Variants in PRRC2A observed in about 807,000 individuals in gnomAD.
PRRC2A encodes proline rich coiled-coil 2A, also known as protein PRRC2A.
PRRC2A carries 59 observed loss-of-function variants against 224.6 expected under a neutral mutation model. That is an observed-to-expected ratio of 0.26 (90% confidence interval 0.21 to 0.33). The LOEUF is 0.33. PRRC2A is among the 10% of genes least tolerant of loss of function. PRRC2A has a pLI of 1.00. For missense variants in PRRC2A, 3,095 were observed against 2,880.7 expected, an observed-to-expected ratio of 1.07 and a Z score of -1.70; for synonymous variants, 1,194 against 1,109.5, an observed-to-expected ratio of 1.08 and a Z score of -1.51.
rs1348146440 is a variant in PRRC2A at position 31,626,800 on chromosome 6, A to G, written c.1011A>G (p.Glu337=). 1 of 1,591,304 alleles carries G rather than the reference A, an allele frequency of 6.3e-7. No homozygotes were observed. Among genetic ancestry groups the G allele is most frequent in the Admixed American group, 1.8e-5 (1 of 55,358 alleles). ...AGAHEEVDYT[E]KLKFSDEEDG... ...CCCATGAAGAGGTTGACTACACTGA[A>G]AAGCTCAAGTTCAGCGATGAGGAAG... The change falls in exon 10 of 31, where the codon GAA becomes GAG. Residue 337 remains glutamate, a synonymous_variant. Coordinates refer to ENST00000376033, the MANE Select transcript of PRRC2A (RefSeq NM_004638.4).
chr6:31,631,447 G>A lies in PRRC2A; in HGVS notation c.2774G>A (p.Arg925His), dbSNP rs759748399. 1.4e-5 allele frequency: 23 copies of A among 1,609,528 alleles called. No individual in the cohort carries two copies. Among genetic ancestry groups the A allele is most frequent in the African/African-American group, 8.0e-5 (6 of 74,762 alleles). Residue 925 changes from arginine (R) to histidine (H), a missense_variant, in exon 16 of 31, where the codon CGC becomes CAC. Arg to His is a conservative substitution (Grantham distance 29, BLOSUM62 0). Coordinates refer to ENST00000376033, the MANE Select transcript of PRRC2A (RefSeq NM_004638.4). The surrounding 1 kb of genome is among the most constrained non-coding windows in gnomAD (Gnocchi z 4.5). ...CGCAGAGAGAGTCGCACAGAGACCC[G>A]CTGGGGCCCTCGTCCAGGGAGCAGT... ...PPRRESRTET[R>H]WGPRPGSSRR...
chr6:31,637,477 C>G lies in PRRC2A; in HGVS notation c.6365C>G (p.Pro2122Arg). ...ASPPDALRWI[P>R]KPWERTGPPP... ...CCACCAGATGCCCTGCGCTGGATAC[C>G]TAAGCCTTGGGAGCGGACAGGGCCG... Residue 2122 changes from proline to arginine, a missense_variant, in exon 31 of 31, where the codon CCT becomes CGT. Transcript: ENST00000376033. The G allele has an allele frequency of 1.3e-6, 2 of 1,574,982 alleles. No individual in the cohort carries two copies. Among genetic ancestry groups the G allele is most frequent in the Non-Finnish European group, 1.7e-6 (2 of 1,159,748 alleles).
chr6:31,631,416 C>T lies in PRRC2A; in HGVS notation c.2743C>T (p.Pro915Ser), dbSNP rs964636009. Reference sequence around the variant, plus strand: ...CGGGAGTGGAGGCCAGGGCCCCCCACCACCACGCAGAGAGAGTCGCACAGA... The same window carrying T: ...CGGGAGTGGAGGCCAGGGCCCCCCATCACCACGCAGAGAGAGTCGCACAGA... ...GVGSGGQGPP[P>S]PRRESRTETR... is the part of the protein sequence containing the mutation. The change falls in exon 16 of 31, where the codon CCA (proline) becomes TCA (serine). Residue 915 changes from proline to serine, a missense_variant. Pro to Ser is a moderately conservative substitution (Grantham distance 74). Coordinates refer to ENST00000376033, the MANE Select transcript of PRRC2A (RefSeq NM_004638.4). The surrounding 1 kb of genome is among the most constrained non-coding windows in gnomAD (Gnocchi z 4.5). The T allele has an allele frequency of 1.2e-6, 2 of 1,609,892 alleles. No individual in the cohort carries two copies. The highest frequency in any genetic ancestry group is 1.7e-6 in the Non-Finnish European group (2 of 1,178,840).
At chr6:31,629,964 G>C in intron 14 of PRRC2A, 119 bp downstream of exon 14, 1 of 1,481,566 alleles carries the variant, frequency 6.7e-7, no homozygotes, top group Non-Finnish European at 9.1e-7. Context: ...GATGAGGGAA[G>C]GGCATATGCT....
Position 31,629,559 on chromosome 6 carries a change from G to C in PRRC2A, c.1968G>C (p.Leu656=), listed in dbSNP as rs761116549. The change falls in exon 14 of 31, where the codon CTG becomes CTC. Residue 656 remains leucine, a synonymous_variant. Coordinates refer to ENST00000376033, the MANE Select transcript of PRRC2A (RefSeq NM_004638.4). ...TCCTCCTTTCCTAGGAGCAGCTCCT[G>C]AAGCAGCAGCAGCAGCACCAGTGGC... ...RFQRQQQEQL[L]KQQQQHQWQQ... 2 of 1,569,798 alleles carry C rather than the reference G, an allele frequency of 1.3e-6. No individual in the cohort carries two copies. Among genetic ancestry groups the C allele is most frequent in the South Asian group, 2.2e-5 (2 of 90,302 alleles).
chr6:31,634,956 C>T lies in PRRC2A; in HGVS notation c.5139C>T (p.Ala1713=), dbSNP rs1017988169. The T allele has an allele frequency of 2.5e-6, 4 of 1,612,720 alleles. No individual in the cohort carries two copies. The highest frequency in any genetic ancestry group is 2.5e-6 in the Non-Finnish European group (3 of 1,179,866). ...GSEPPRRPPP[A]PHDGDRKELP... Reference sequence around the variant, plus strand: ...AACCTCCTAGGAGACCACCACCTGCCCCCCACGATGGGGACAGAAAGGTAA... The same window carrying T: ...AACCTCCTAGGAGACCACCACCTGCTCCCCACGATGGGGACAGAAAGGTAA... Residue 1713 remains alanine, a synonymous_variant, in exon 21 of 31, where the codon GCC becomes GCT. Transcript: ENST00000376033.
chr6:31,626,569 AAGAGT>A (rs773793642), intron 9 of PRRC2A, among the ~76,000 whole-genome samples, 198 bp from the exon 10 acceptor site: 61 of 152,034 alleles, frequency 4.0e-4, no homozygotes, highest in Middle Eastern at 3.4e-3. Flanking sequence ...AAAAAAAAAA[AAGAGT>A]AGGGGAGGAT....
At position 31,636,769 on chromosome 6, in the gene PRRC2A, G is replaced by A; in HGVS notation, c.5971G>A (p.Val1991Met). The change falls in exon 28 of 31, where the codon GTG (valine) becomes ATG (methionine). Residue 1991 changes from valine to methionine, a missense_variant. Physicochemically the swap from Val to Met is conservative, Grantham distance 21. Coordinates refer to ENST00000376033, the MANE Select transcript of PRRC2A (RefSeq NM_004638.4). The surrounding 1 kb of genome is among the most constrained non-coding windows in gnomAD (Gnocchi z 4.3). ...LPMVDSQLPV[V>M]NFGSLPPAPP... ...CATGGTAGACTCACAGCTGCCTGTGGTGAACTTTGGCTCCCTGCCGCCAGC... is the reference window on the plus strand; with the variant it reads ...CATGGTAGACTCACAGCTGCCTGTGATGAACTTTGGCTCCCTGCCGCCAGC... 1 of 1,607,058 alleles carries A rather than the reference G, an allele frequency of 6.2e-7. No individual in the cohort carries two copies. Among genetic ancestry groups the A allele is most frequent in the Non-Finnish European group, 8.5e-7 (1 of 1,180,000 alleles).
In PRRC2A at chr6:31,636,110, G is replaced by A; in HGVS notation, c.5624+61G>A. On this transcript the variant is annotated intron_variant, in intron 25 of 30. Coordinates refer to ENST00000376033, the MANE Select transcript of PRRC2A (RefSeq NM_004638.4). This position sits in a 1 kb window ranked among gnomAD's most constrained non-coding sequence, Gnocchi z 4.3. ...GGAGATGTGTTTCGGGGAGAGGGAAGGGGAAGACACAGTTCTAGGGTACTA... is the reference window on the plus strand; with the variant it reads ...GGAGATGTGTTTCGGGGAGAGGGAAAGGGAAGACACAGTTCTAGGGTACTA... 6.4e-7 allele frequency: 1 copy of A among 1,569,282 alleles called. No homozygotes were observed. The highest frequency in any genetic ancestry group is 1.1e-5 in the South Asian group (1 of 90,010).
At position 31,626,088 on chromosome 6, in the gene PRRC2A, G is replaced by A; in HGVS notation, c.908G>A (p.Arg303His). Reference protein sequence around the residue: ...PPMRLVEPVGRPSILKEDNLK... With the variant: ...PPMRLVEPVGHPSILKEDNLK... Reference sequence around the variant, plus strand: ...ATGCGCTTAGTAGAGCCTGTGGGTCGTCCCTCTATTCTCAAAGAGGATAAT... The same window carrying A: ...ATGCGCTTAGTAGAGCCTGTGGGTCATCCCTCTATTCTCAAAGAGGATAAT... The change falls in exon 9 of 31, where the codon CGT becomes CAT. Residue 303 changes from arginine (R) to histidine (H), a missense_variant. This residue lies in a region of PRRC2A where 287 missense variants were observed against 275.3 expected (regional missense o/e 1.04). Coordinates refer to ENST00000376033, the MANE Select transcript of PRRC2A (RefSeq NM_004638.4). The A allele has an allele frequency of 1.2e-6, 2 of 1,612,932 alleles. No individual in the cohort carries two copies. The highest frequency in any genetic ancestry group is 2.2e-5 in the East Asian group (1 of 44,890).
chr6:31,636,547 C>G lies in PRRC2A; in HGVS notation c.5873C>G (p.Ser1958Cys). 1 of 1,609,496 alleles carries G rather than the reference C, an allele frequency of 6.2e-7. No individual in the cohort carries two copies. Among genetic ancestry groups the G allele is most frequent in the Non-Finnish European group, 8.5e-7 (1 of 1,178,342 alleles). ...CTGCCATCCCCTTCGGATTTTTATT[C>G]TACTCCTCTGCAGCCTGGTGGCCAA... is the stretch of plus-strand genomic sequence containing the variant. ...QDLPSPSDFYSTPLQPGGQSG... is the reference protein window; with the variant it reads ...QDLPSPSDFYCTPLQPGGQSG... The change falls in exon 27 of 31, where the codon TCT (serine) becomes TGT (cysteine). Residue 1958 changes from serine (S) to cysteine (C), a missense_variant. Physicochemically the swap from Ser to Cys is moderately radical, Grantham distance 112. This residue lies in a region of PRRC2A where 662 missense variants were observed against 609.5 expected (regional missense o/e 1.09). Coordinates refer to ENST00000376033, the MANE Select transcript of PRRC2A (RefSeq NM_004638.4). The surrounding 1 kb of genome is among the most constrained non-coding windows in gnomAD (Gnocchi z 4.3).
chr6:31,632,893 G>A lies in PRRC2A; in HGVS notation c.4220G>A (p.Ser1407Asn), dbSNP rs35464047. ...RRPGPGGKAGSSGSSSGGGGG... is the reference protein window; with the variant it reads ...RRPGPGGKAGNSGSSSGGGGG... Reference sequence around the variant, plus strand: ...CCTGGCCCAGGGGGCAAGGCTGGCAGCAGTGGCAGCAGCAGTGGAGGAGGC... The same window carrying A: ...CCTGGCCCAGGGGGCAAGGCTGGCAACAGTGGCAGCAGCAGTGGAGGAGGC... Residue 1407 changes from serine to asparagine, a missense_variant, in exon 16 of 31, where the codon AGC becomes AAC. Around this residue, in one of 8 missense-constraint regions of PRRC2A, gnomAD observed 2,001 missense variants for 1,764.9 expected, o/e 1.13. Transcript: ENST00000376033. The A allele has an allele frequency of 3.6e-3, 5,759 of 1,612,830 alleles. 45 individuals are homozygous for A. Among genetic ancestry groups the A allele is most frequent in the African/African-American group, 0.035 (2,596 of 75,048 alleles).
chr6:31,626,776 C>T lies in PRRC2A; in HGVS notation c.987C>T (p.Ala329=). The T allele has an allele frequency of 1.3e-6, 2 of 1,577,094 alleles. No individual in the cohort carries two copies. Among genetic ancestry groups the T allele is most frequent in the South Asian group, 1.2e-5 (1 of 86,550 alleles). ...DQENDDGWAG[A]HEEVDYTEKL... ...AATACTCATATTTCCCCTCAGGGGC[C>T]CATGAAGAGGTTGACTACACTGAAA... Residue 329 remains alanine (A), a synonymous_variant, in exon 10 of 31, where the codon GCC becomes GCT. Transcript: ENST00000376033.
Position 31,624,276 on chromosome 6 carries a change from C to A in PRRC2A, c.306C>A (p.Thr102=), listed in dbSNP as rs1007423137. The A allele has an allele frequency of 6.2e-6, 10 of 1,613,542 alleles. No individual in the cohort carries two copies. Among genetic ancestry groups the A allele is most frequent in the Admixed American group, 1.7e-5 (1 of 59,996 alleles). ...GTCCCCTCAGTTCCGATGCCTCAAC[C>A]GCTCAGCCGCCGGAATCGCAGCCAC... is the stretch of plus-strand genomic sequence containing the variant. The part of the protein sequence containing the change: ...QSDPKSSDAS[T]AQPPESQPLP... Residue 102 remains threonine (T), a synonymous_variant, in exon 4 of 31, where the codon ACC becomes ACA. Transcript: ENST00000376033.
At chr6:31,626,609 A>G (rs1187659332) in intron 9 of PRRC2A, among the ~76,000 whole-genome samples, 163 bp from the exon 10 acceptor site, 1 of 151,938 alleles carries the variant, frequency 6.6e-6, no homozygotes, top group Non-Finnish European at 1.5e-5. Context: ...AAGTCCTTGC[A>G]AAGTGGTGAG....
Position 31,624,380 on chromosome 6 carries a change from G to A in PRRC2A, c.390+20G>A, listed in dbSNP as rs1485615114. On this transcript the variant is annotated intron_variant, in intron 4 of 30. Coordinates refer to ENST00000376033, the MANE Select transcript of PRRC2A (RefSeq NM_004638.4). ...CCCGAGGTACCTGGAGAACTGGAGG[G>A]GTGGGGAGGAAGAATGGTTCATAGC... The A allele has an allele frequency of 1.1e-5, 17 of 1,611,574 alleles. No individual in the cohort carries two copies. Among genetic ancestry groups the A allele is most frequent in the Non-Finnish European group, 1.4e-5 (16 of 1,177,786 alleles).
chr6:31,624,224 C>G (rs1775632213), intron 3 of PRRC2A, 37 bp from the exon 4 acceptor site: 1 of 1,585,206 alleles, frequency 6.3e-7, no homozygotes, highest in Non-Finnish European at 8.7e-7. Flanking sequence ...AGGGAGGCAT[C>G]TCAGGTGTGA....
At chr6:31,621,021 C>A (rs865827629) in intron 1 of PRRC2A, among the ~76,000 whole-genome samples, 163 bp downstream of exon 1, 1 of 152,210 alleles carries the variant, frequency 6.6e-6, no homozygotes, top group Admixed American at 6.5e-5. Flanking sequence ...TGCCCCTCCC[C>A]CTCCGGTACC....
In PRRC2A at chr6:31,627,178, G is replaced by A; in HGVS notation, c.1270G>A (p.Gly424Ser). ...TCACCGGGGCCCCGCCGGGAACTGGGGCCCCCCTGGGGACTACCCAGTGAG... is the reference window on the plus strand; with the variant it reads ...TCACCGGGGCCCCGCCGGGAACTGGAGCCCCCCTGGGGACTACCCAGTGAG... ...PPHRGPAGNW[G>S]PPGDYPDRGG... The change falls in exon 11 of 31, where the codon GGC (glycine) becomes AGC (serine). Residue 424 changes from glycine to serine, a missense_variant. Physicochemically the swap from Gly to Ser is moderately conservative, Grantham distance 56 (BLOSUM62 0). This residue lies in a region of PRRC2A where 2,001 missense variants were observed against 1,764.9 expected (regional missense o/e 1.13). Coordinates refer to ENST00000376033, the MANE Select transcript of PRRC2A (RefSeq NM_004638.4). The surrounding 1 kb of genome is among the most constrained non-coding windows in gnomAD (Gnocchi z 5.6). 1 of 1,611,000 alleles carries A rather than the reference G, an allele frequency of 6.2e-7. No homozygotes were observed. The highest frequency in any genetic ancestry group is 8.5e-7 in the Non-Finnish European group (1 of 1,178,076).
Sources: gnomAD v4.1 joint callset for allele counts (sites outside exome capture counted in the v4.1 genomes callset) on GRCh38, gnomAD v4.1.1 for gene constraint, gnomAD v4.1.1 regional missense constraint, Gnocchi (gnomAD v3.1) non-coding constraint, MANE v1.5 for transcripts, NCBI Gene and HGNC (gene_info 2026-07-23, HGNC 2026-07-21) for gene names.